Variants in DOK6 observed in about 807,000 individuals in gnomAD.
The protein encoded by DOK6 is docking protein 6.
DOK6 carries 22 observed loss-of-function variants against 44.0 expected under a neutral mutation model. The ratio of observed to expected loss-of-function variants is 0.50; its 90% confidence interval spans 0.36 to 0.71. The LOEUF (loss-of-function observed/expected upper bound fraction) is 0.71, where lower values mean the gene tolerates loss of function less well. DOK6 is among the 30% of genes least tolerant of loss of function. DOK6 has a pLI of 0.00. For synonymous variants in DOK6, 166 were observed against 145.5 expected (o/e 1.14, Z -1.01); for missense variants, 340 against 416.4 (o/e 0.82, Z 1.60).
intron 7 of DOK6, among the ~76,000 whole-genome samples, chr18:69,825,427 C>CTTTTTTTT (rs34656265): frequency 2.4e-5 from 2 of 82,958 alleles, no homozygotes; most frequent in Non-Finnish European, 4.6e-5. Context: ...ATCATAACTT[C>CTTTTTTTT]TTTTTTTTTT....
At chr18:69,545,859 T>C (rs1246483275) in intron 1 of DOK6, among the ~76,000 whole-genome samples, 5 of 151,512 alleles carry the variant, frequency 3.3e-5, no homozygotes, top group African/African-American at 1.2e-4. Context: ...GTACATTCTC[T>C]TATAAAAATG....
intron 7 of DOK6, among the ~76,000 whole-genome samples, chr18:69,784,411 T>C (rs1980370352): frequency 6.6e-6 from 1 of 151,702 alleles, no homozygotes; most frequent in African/African-American, 2.4e-5. Flanking sequence ...ATATGGAGTT[T>C]TTATATATAA....
At chr18:69,495,777 C>G (rs1980867215) in intron 1 of DOK6, among the ~76,000 whole-genome samples, 1 of 152,182 alleles carries the variant, frequency 6.6e-6, no homozygotes, top group African/African-American at 2.4e-5. Context: ...CAGGCCAGCA[C>G]TGAACTACCT....
chr18:69,489,204 C>T (rs537898416), intron 1 of DOK6, among the ~76,000 whole-genome samples: 5 of 152,190 alleles, frequency 3.3e-5, no homozygotes, highest in Non-Finnish European at 1.5e-5. Flanking sequence ...AGCTTAAATA[C>T]TTGCATAGTT....
chr18:69,448,453 C>T (rs1979360454), intron 1 of DOK6, among the ~76,000 whole-genome samples: 1 of 152,112 alleles, frequency 6.6e-6, no homozygotes, highest in South Asian at 2.1e-4. Context: ...CTCACTGCAA[C>T]CTCTGCCTCT....
intron 3 of DOK6, among the ~76,000 whole-genome samples, chr18:69,643,336 G>A (rs145393725): frequency 2.0e-4 from 30 of 152,156 alleles, no homozygotes; most frequent in African/African-American, 6.7e-4. Context: ...CACCTGGTCC[G>A]TTTGTGTATA....
chr18:69,617,736 AGG>A (rs1242749352), intron 3 of DOK6, among the ~76,000 whole-genome samples: 668 of 128,866 alleles, frequency 5.2e-3, no homozygotes, highest in East Asian at 0.012. Context: ...AAAAGGGGGA[AGG>A]AGGGAAGGAA....
At chr18:69,554,352 C>A (rs1982637916) in intron 1 of DOK6, among the ~76,000 whole-genome samples, 1 of 152,232 alleles carries the variant, frequency 6.6e-6, no homozygotes, top group Non-Finnish European at 1.5e-5. Flanking sequence ...TCTTTATACA[C>A]TTGTCACCTA....
chr18:69,521,904 C>A (rs1981697135), intron 1 of DOK6, among the ~76,000 whole-genome samples: 1 of 151,698 alleles, frequency 6.6e-6, no homozygotes, highest in Admixed American at 6.6e-5. Flanking sequence ...TAAATATATA[C>A]AATTATTATG....
At chr18:69,452,160 C>T (rs1005819102) in intron 1 of DOK6, among the ~76,000 whole-genome samples, 4 of 151,890 alleles carry the variant, frequency 2.6e-5, no homozygotes, top group South Asian at 2.1e-4. Flanking sequence ...ATTGATAGAT[C>T]GCTAGCAAGA....
intron 5 of DOK6, chr18:69,721,525 T>A (rs1978288689): frequency 6.6e-6 from 1 of 152,216 alleles, no homozygotes; most frequent in Admixed American, 6.5e-5. Flanking sequence ...AAATTATAAG[T>A]TTAATTTATT....
At chr18:69,422,779 G>T (rs868035671) in intron 1 of DOK6, among the ~76,000 whole-genome samples, 67 of 152,248 alleles carry the variant, frequency 4.4e-4, no homozygotes, top group African/African-American at 1.6e-3. Context: ...ATTTTGGTTT[G>T]AAACATAATT....
intron 4 of DOK6, among the ~76,000 whole-genome samples, chr18:69,678,835 T>G (rs1018016855): frequency 2.7e-5 from 4 of 150,780 alleles, no homozygotes; most frequent in Admixed American, 6.6e-5. Context: ...TGATGATCGG[T>G]GTTTTGAAAG....
intron 4 of DOK6, among the ~76,000 whole-genome samples, chr18:69,682,398 A>T (rs1261568196): frequency 6.6e-6 from 1 of 152,210 alleles, no homozygotes; most frequent in East Asian, 1.9e-4. Context: ...ACAGGTAAAA[A>T]GGCTAAAGTT....
At chr18:69,513,389 C>T (rs71370816) in intron 1 of DOK6, among the ~76,000 whole-genome samples, 24,242 of 152,208 alleles carry the variant, frequency 0.16, 2,199 homozygotes, top group Non-Finnish European at 0.2. Flanking sequence ...CACGCACACA[C>T]GCACACTCTC....
At chr18:69,663,792 G>A (rs1050934425) in intron 3 of DOK6, among the ~76,000 whole-genome samples, 1 of 152,176 alleles carries the variant, frequency 6.6e-6, no homozygotes, top group African/African-American at 2.4e-5. Flanking sequence ...TAGATACTGT[G>A]TGACTCTGGT....
intron 7 of DOK6, among the ~76,000 whole-genome samples, chr18:69,797,462 C>G (rs2145102801): frequency 6.6e-6 from 1 of 152,142 alleles, no homozygotes; most frequent in South Asian, 2.1e-4. Context: ...AAAGCAGAGG[C>G]AGTAATCCTC....
chr18:69,578,385 A>C (rs1165982909), intron 2 of DOK6, among the ~76,000 whole-genome samples: 3 of 152,232 alleles, frequency 2.0e-5, no homozygotes, highest in African/African-American at 4.8e-5. Context: ...TGTAAAAGTC[A>C]TTTCTGCCTT....
intron 5 of DOK6, 93 bp from the exon 6 acceptor site, chr18:69,738,872 G>A (rs1040863297): frequency 2.3e-5 from 35 of 1,500,176 alleles, no homozygotes; most frequent in Non-Finnish European, 2.9e-5. Flanking sequence ...TCAGGAGGAG[G>A]AGGCACAAGG....
Sources: gnomAD v4.1 joint callset for allele counts (sites outside exome capture counted in the v4.1 genomes callset) on GRCh38, gnomAD v4.1.1 for gene constraint, MANE v1.5 for transcripts, NCBI Gene and HGNC (gene_info 2026-07-23, HGNC 2026-07-21) for gene names.